ZMAT1: variants seen among roughly 807,000 people sequenced by gnomAD.
The protein encoded by ZMAT1 is zinc finger matrin-type 1.
Under a neutral mutation model 18.5 loss-of-function variants are expected in ZMAT1, and 11 were observed. That is an observed-to-expected ratio of 0.59 (90% CI 0.37 to 0.98). The LOEUF is 0.98. Among genes scored for constraint, ZMAT1 ranks in the 50% least tolerant of loss-of-function variants. ZMAT1 has a pLI of 0.01. For missense variants in ZMAT1, 525 were observed against 496.2 expected, an observed-to-expected ratio of 1.06 and a Z score of -0.55; for synonymous variants, 211 against 176.4, an observed-to-expected ratio of 1.20 and a Z score of -1.55.
At chrX:101,914,870 A>C (rs972803749) in intron 1 of ZMAT1, among the ~76,000 whole-genome samples, 1 of 111,677 alleles carries the variant, frequency 9.0e-6, no homozygotes, top group African/African-American at 3.3e-5. Context: ...CCAAAAACAG[A>C]CAAAGAGACA....
chrX:101,916,761 A>T (rs1407529037), intron 1 of ZMAT1, among the ~76,000 whole-genome samples: 1 of 111,834 alleles, frequency 8.9e-6, no homozygotes, highest in Non-Finnish European at 1.9e-5. Context: ...AACTGGAGGA[A>T]TTGTTCCTCC....
intron 4 of ZMAT1, among the ~76,000 whole-genome samples, chrX:101,893,993 G>C (rs1444873344): frequency 1.8e-5 from 2 of 111,003 alleles, no homozygotes; most frequent in Admixed American, 1.9e-4. Flanking sequence ...TTTATATTTA[G>C]AAGATGAAGG....
chrX:101,914,610 A>G (rs1184789510), intron 1 of ZMAT1, among the ~76,000 whole-genome samples: 1 of 111,583 alleles, frequency 9.0e-6, no homozygotes, highest in Non-Finnish European at 1.9e-5. Flanking sequence ...GAAATGGACA[A>G]ATTCCTTGAT....
intron 4 of ZMAT1, chrX:101,889,698 C>T (rs1300036227): frequency 1.8e-5 from 2 of 111,679 alleles, no homozygotes; most frequent in South Asian, 3.7e-4. Flanking sequence ...ACTGGTCTAA[C>T]ATCTTAAACG....
Position 101,884,322 on chromosome X carries a change from G to A in ZMAT1, c.1276C>T (p.His426Tyr). Reference sequence around the variant, plus strand: ...AACTGGCTTTCCACTGGTGAAATATGGTATGGTCGTTGGTAGGTCTGGGAA... The same window carrying A: ...AACTGGCTTTCCACTGGTGAAATATAGTATGGTCGTTGGTAGGTCTGGGAA... Reference protein sequence around the residue: ...EASQTYQRPYHISPVESQLPQ... With the variant: ...EASQTYQRPYYISPVESQLPQ... The change falls in exon 6 of 6, where the codon CAT (histidine) becomes TAT (tyrosine). Residue 426 changes from histidine to tyrosine, a missense_variant. Transcript: ENST00000651725. 1 of 1,210,503 alleles carries A rather than the reference G, an allele frequency of 8.3e-7. No homozygotes were observed. Among genetic ancestry groups the A allele is most frequent in the Non-Finnish European group, 1.1e-6 (1 of 895,037 alleles).
At chrX:101,898,324 A>G (rs1927977949) in intron 2 of ZMAT1, 104 bp from the exon 3 acceptor site, 2 of 673,593 alleles carry the variant, frequency 3.0e-6, no homozygotes, top group South Asian at 6.0e-5. Flanking sequence ...TAATATATTT[A>G]GTCAAACTTG....
At chrX:101,931,076 T>C (rs904406784) in intron 1 of ZMAT1, among the ~76,000 whole-genome samples, 10 of 111,556 alleles carry the variant, frequency 9.0e-5, no homozygotes, top group African/African-American at 3.3e-4. Flanking sequence ...TTCCTCTCTT[T>C]CCCTAGTAGA....
At chrX:101,894,464 C>G in intron 4 of ZMAT1, 2 of 753,681 alleles carry the variant, frequency 2.7e-6, no homozygotes, top group Non-Finnish European at 3.1e-6. Context: ...CTGTGGGTTT[C>G]TACTTTGAAT....
In ZMAT1 at chrX:101,884,235, C is replaced by T; in HGVS notation, c.1363G>A (p.Asp455Asn). 2 of 1,210,966 alleles carry T rather than the reference C, an allele frequency of 1.7e-6. No individual in the cohort carries two copies. The highest frequency in any genetic ancestry group is 2.2e-6 in the Non-Finnish European group (2 of 895,138). The change falls in exon 6 of 6, where the codon GAT (aspartate) becomes AAT (asparagine). Residue 455 changes from aspartate to asparagine, a missense_variant. Physicochemically the swap from Asp to Asn is conservative, Grantham distance 23. Transcript: ENST00000651725. ...CTGGCTTTCTGCACTTTTATGTAAT[C>T]TTCAAGTTCATCTTGGAAAGAATCA... ...TYDSFQDELEDYIKVQKARGL... is the reference protein window; with the variant it reads ...TYDSFQDELENYIKVQKARGL...
At chrX:101,894,428 G>A (rs771112977) in intron 4 of ZMAT1, 1 of 751,547 alleles carries the variant, frequency 1.3e-6, no homozygotes, top group African/African-American at 2.3e-5. Flanking sequence ...AAGTTAAGAA[G>A]GTGGTGTTTG....
In ZMAT1 at chrX:101,883,476, T is replaced by C. The variant is rs757904463; in HGVS notation, c.*34A>G. On this transcript the variant is annotated 3_prime_UTR_variant, in exon 6 of 6. Transcript: ENST00000651725. ...AAATCCATATTGACTGTTTTTTTTT[T>C]TCAATTCAACCTTGGGTAAACAAAA... 8.2e-6 allele frequency: 9 copies of C among 1,100,566 alleles called. No homozygotes were observed. In the East Asian group the frequency reaches 2.7e-4, roughly 33 times the overall value. The allele number at this position is 1,100,566 out of a possible 1,213,427, so 90.7% of individuals were successfully genotyped here.
intron 1 of ZMAT1, among the ~76,000 whole-genome samples, chrX:101,908,759 T>C (rs945630845): frequency 4.5e-5 from 5 of 111,569 alleles, no homozygotes; most frequent in African/African-American, 1.6e-4. Flanking sequence ...CAAAGTTGAG[T>C]GTCTGCAAAC....
In ZMAT1 at chrX:101,884,635, T is replaced by C. The variant is rs756879503; in HGVS notation, c.963A>G (p.Arg321=). The C allele has an allele frequency of 4.1e-5, 49 of 1,209,297 alleles. No homozygotes were observed. Among genetic ancestry groups the C allele is most frequent in the Non-Finnish European group, 5.4e-5 (48 of 894,884 alleles). Residue 321 remains arginine, a synonymous_variant, in exon 6 of 6, where the codon AGA becomes AGG. Coordinates refer to ENST00000651725, the MANE Select transcript of ZMAT1 (RefSeq NM_001394560.1). ...RYREVVDSRP[R]HRMFEQRLPF... is the part of the protein sequence containing the mutation. ...GGAGTCTTTGTTCAAACATTCTATG[T>C]CTGGGTCTGGAATCGACCACTTCTC...
rs1187267260 is a variant in ZMAT1 at position 101,931,724 on chromosome X, G to C, written c.285C>G (p.Leu95=). The C allele has an allele frequency of 7.9e-6, 6 of 760,654 alleles. No homozygotes were observed. In the African/African-American group the frequency reaches 1.4e-4, roughly 17 times the overall value. The allele number at this position is 760,654 out of a possible 1,213,427, so 62.7% of individuals were successfully genotyped here. ...CCCGGGACGGGAACTCACCTTCTCT[G>C]AGGCAAGGGCGGGTGTCTACTTTAA... ...SSFKVDTRPC[L]REDAIWNEQE... Residue 95 remains leucine (L), a synonymous_variant, in exon 1 of 6, where the codon CTC becomes CTG. Transcript: ENST00000651725.
At chrX:101,896,040 G>A (rs1927778798) in intron 4 of ZMAT1, among the ~76,000 whole-genome samples, 1 of 111,339 alleles carries the variant, frequency 9.0e-6, no homozygotes, top group Non-Finnish European at 1.9e-5. Context: ...AAGTAAAAAA[G>A]AATTTCCTTC....
intron 4 of ZMAT1, chrX:101,889,134 C>A (rs1014339023): frequency 1.8e-5 from 2 of 111,415 alleles, no homozygotes; most frequent in Admixed American, 1.9e-4. Flanking sequence ...TTATCTTTTT[C>A]TAGGATTCAG....
intron 1 of ZMAT1, among the ~76,000 whole-genome samples, chrX:101,906,366 A>G (rs967089427): frequency 1.8e-5 from 2 of 110,275 alleles, no homozygotes; most frequent in Admixed American, 9.6e-5. Flanking sequence ...CACCCGGCCA[A>G]CTCCCACAGC....
At chrX:101,925,603 G>GT (rs1365442905) in intron 1 of ZMAT1, among the ~76,000 whole-genome samples, 1 of 112,596 alleles carries the variant, frequency 8.9e-6, no homozygotes, top group Non-Finnish European at 1.9e-5. Context: ...AATACAATGT[G>GT]TAATTTTTAA....
chrX:101,899,618 AC>A (rs1189697697), intron 2 of ZMAT1, among the ~76,000 whole-genome samples: 1 of 112,178 alleles, frequency 8.9e-6, no homozygotes. Context: ...CATCCAGATA[AC>A]TGAAAATGCT....
Sources: allele counts gnomAD v4.1 joint callset (sites outside exome capture counted in the v4.1 genomes callset), GRCh38; gene constraint gnomAD v4.1.1; transcripts MANE v1.5; gene names NCBI Gene and HGNC (gene_info 2026-07-23, HGNC 2026-07-21).